The following GABRR1 variants were observed in gnomAD, a reference collection of about 807,000 sequenced individuals.
GABRR1 encodes the protein gamma-aminobutyric acid type A receptor subunit rho1, also known as gamma-aminobutyric acid receptor subunit rho-1.
Under a neutral mutation model 55.5 loss-of-function variants are expected in GABRR1, and 59 were observed. That is an observed-to-expected ratio of 1.06 (90% confidence interval 0.86 to 1.32). GABRR1 has a LOEUF of 1.32. GABRR1 is among the 40% of genes most tolerant of loss of function. GABRR1 has a pLI of 0.00. For synonymous variants in GABRR1, 213 were observed against 226.0 expected (o/e 0.94, Z 0.51); for missense variants, 602 against 619.1 (o/e 0.97, Z 0.29).
At chr6:89,230,718 TTGTC>T (rs912006552) in intron 1 of GABRR1, among the ~76,000 whole-genome samples, 1 of 151,652 alleles carries the variant, frequency 6.6e-6, no homozygotes, top group African/African-American at 2.4e-5. Flanking sequence ...GTCTTTTTGT[TTGTC>T]TGTGCCCTGC....
intron 1 of GABRR1, among the ~76,000 whole-genome samples, chr6:89,223,230 C>T (rs1773139646): frequency 6.6e-6 from 1 of 152,170 alleles, no homozygotes; most frequent in Non-Finnish European, 1.5e-5. Context: ...TCCTCTAAGT[C>T]CACTGTGAAA....
At chr6:89,179,096 C>G (rs936873077) in intron 9 of GABRR1, 33 bp from the exon 10 acceptor site, 1 of 1,598,116 alleles carries the variant, frequency 6.3e-7, no homozygotes, top group African/African-American at 1.3e-5. Flanking sequence ...GGGGTGTGAG[C>G]TCAGCATCAT....
chr6:89,179,206 T>G (rs1771640970), intron 9 of GABRR1, 143 bp from the exon 10 acceptor site: 3 of 838,696 alleles, frequency 3.6e-6, no homozygotes, highest in African/African-American at 2.2e-5. Flanking sequence ...TTTTGTTTTG[T>G]TTTTGTTTTT....
chr6:89,228,732 G>A (rs1365489522), intron 1 of GABRR1, among the ~76,000 whole-genome samples: 2 of 147,384 alleles, frequency 1.4e-5, no homozygotes, highest in African/African-American at 2.5e-5. Flanking sequence ...TGAAAAAAAT[G>A]TATATTCTGT....
At position 89,178,671 on chromosome 6, in the gene GABRR1, G is replaced by A. The variant is rs1284639120; in HGVS notation, c.*99C>T. The A allele has an allele frequency of 7.5e-6, 8 of 1,070,880 alleles. No homozygotes were observed. Among genetic ancestry groups the A allele is most frequent in the Non-Finnish European group, 1.1e-5 (8 of 745,032 alleles). The allele number at this position is 1,070,880 out of a possible 1,614,324, so 66.3% of individuals were successfully genotyped here. A position where few individuals can be genotyped will look rare whatever the true frequency, so the allele number is the denominator to read the frequency against. ...GATAGTGAAAACATGGGTGGGTCCT[G>A]GGATTTTTTTTTAACCATATCCTTA... On this transcript the variant is annotated 3_prime_UTR_variant, in exon 10 of 10. Coordinates refer to ENST00000454853, the MANE Select transcript of GABRR1 (RefSeq NM_002042.5).
At position 89,178,460 on chromosome 6, in the gene GABRR1, C is replaced by T; in HGVS notation, c.*310G>A. 1 of 373,192 alleles carries T rather than the reference C, an allele frequency of 2.7e-6. No individual in the cohort carries two copies. 23.1% of individuals were successfully genotyped at this position (373,192 alleles called of 1,614,324 possible). On this transcript the variant is annotated 3_prime_UTR_variant, in exon 10 of 10. Coordinates refer to ENST00000454853, the MANE Select transcript of GABRR1 (RefSeq NM_002042.5). ...AGCATCAAGGGTCTAACGGGTGGAA[C>T]TAAATGTGCCCACAACACTGGTAGT...
rs1378919243 is a variant in GABRR1 at position 89,177,555 on chromosome 6, G to A, written c.*1215C>T. 3.3e-5 allele frequency: 5 copies of A among 152,106 alleles called. No homozygotes were observed. The allele number at this position is 152,106 out of a possible 1,614,324, so 9.4% of individuals were successfully genotyped here. On this transcript the variant is annotated 3_prime_UTR_variant, in exon 10 of 10. Transcript: ENST00000454853. ...GTGAGTTTCAAATAAAACAAATGCTGTTTGGGTAAGTTTGGTGGAGGTTGA... is the reference window on the plus strand; with the variant it reads ...GTGAGTTTCAAATAAAACAAATGCTATTTGGGTAAGTTTGGTGGAGGTTGA...
At chr6:89,200,556 C>G (rs1275647690) in intron 3 of GABRR1, among the ~76,000 whole-genome samples, 1 of 150,454 alleles carries the variant, frequency 6.6e-6, no homozygotes, top group Non-Finnish European at 1.5e-5. Context: ...GCCACCATGC[C>G]CGGCCGAGAA....
At chr6:89,218,718 A>T (rs1031602489), upstream of GABRR1, among the ~76,000 whole-genome samples, 1 of 152,226 alleles carries the variant, frequency 6.6e-6, no homozygotes, top group African/African-American at 2.4e-5. Context: ...GAGGTGTGAC[A>T]AGCCATTTTA....
intron 1 of GABRR1, among the ~76,000 whole-genome samples, chr6:89,229,398 T>C (rs1270926107): frequency 6.6e-6 from 1 of 151,472 alleles, no homozygotes; most frequent in Non-Finnish European, 1.5e-5. Context: ...CAGCAGCTGG[T>C]ACCGGTTGTT....
intron 2 of GABRR1, among the ~76,000 whole-genome samples, chr6:89,202,283 TTTTG>T (rs370710274): frequency 6.7e-4 from 91 of 135,344 alleles, no homozygotes; most frequent in South Asian, 2.3e-3. Context: ...TGTTTCGTTT[TTTTG>T]TTTGTTTGTT....
intron 4 of GABRR1, 126 bp downstream of exon 4, chr6:89,199,236 G>A (rs1303023391): frequency 1.3e-6 from 1 of 798,992 alleles, no homozygotes; most frequent in East Asian, 2.8e-5. Context: ...ATCTGAAAAA[G>A]TAGTGTGGGG....
chr6:89,185,645 A>G (rs1001433929), intron 6 of GABRR1, among the ~76,000 whole-genome samples, 195 bp from the exon 7 acceptor site: 2 of 152,244 alleles, frequency 1.3e-5, no homozygotes, highest in African/African-American at 4.8e-5. Context: ...CCACTCTTCC[A>G]AAAGTCATCA....
intron 8 of GABRR1, among the ~76,000 whole-genome samples, chr6:89,180,945 C>T (rs1282926940): frequency 2.6e-5 from 4 of 152,120 alleles, no homozygotes; most frequent in African/African-American, 9.7e-5. Context: ...GGGCCTGCGT[C>T]GACAGCTGTC....
upstream of GABRR1, among the ~76,000 whole-genome samples, chr6:89,218,232 C>A (rs948910029): frequency 2.0e-5 from 3 of 152,086 alleles, no homozygotes; most frequent in Non-Finnish European, 4.4e-5. Context: ...TCAGACTGTA[C>A]CGGTAAACTG....
chr6:89,185,556 T>C (rs999082188), intron 6 of GABRR1, 106 bp from the exon 7 acceptor site: 3 of 945,862 alleles, frequency 3.2e-6, no homozygotes, highest in Admixed American at 2.0e-5. Flanking sequence ...ACTACTGGGA[T>C]TGTGATATGA....
intron 5 of GABRR1, among the ~76,000 whole-genome samples, chr6:89,194,004 A>G (rs900915592): frequency 6.6e-6 from 1 of 152,196 alleles, no homozygotes; most frequent in Non-Finnish European, 1.5e-5. Context: ...GATCAATCAG[A>G]TTCCCTACCT....
chr6:89,187,619 AT>A (rs1771949239), intron 6 of GABRR1, among the ~76,000 whole-genome samples: 1 of 152,102 alleles, frequency 6.6e-6, no homozygotes, highest in Non-Finnish European at 1.5e-5. Context: ...ATAACGCCTC[AT>A]CCCTGTTTCC....
At chr6:89,196,558 C>T (rs1772277007) in intron 5 of GABRR1, among the ~76,000 whole-genome samples, 1 of 151,996 alleles carries the variant, frequency 6.6e-6, no homozygotes, top group Non-Finnish European at 1.5e-5. Context: ...ATGGCTTGAG[C>T]CCAGGAGTTC....
Sources: gnomAD v4.1 joint callset for allele counts (sites outside exome capture counted in the v4.1 genomes callset) on GRCh38, gnomAD v4.1.1 for gene constraint, MANE v1.5 for transcripts, NCBI Gene and HGNC (gene_info 2026-07-23, HGNC 2026-07-21) for gene names.